Variants in AMOTL1 observed in about 807,000 individuals in gnomAD.
The protein encoded by AMOTL1 is angiomotin like 1, also known as angiomotin-like protein 1.
AMOTL1 carries 45 observed loss-of-function variants against 102.9 expected under a neutral mutation model. That is an observed-to-expected ratio of 0.44 (90% CI 0.34 to 0.56). The LOEUF is 0.56. AMOTL1 is among the 20% of genes least tolerant of loss of function. The probability of loss-of-function intolerance (pLI) is 0.01; values close to 1 mark genes in which losing one functional copy is unlikely to be tolerated. For missense variants in AMOTL1, 1,114 were observed against 1,225.6 expected (o/e 0.91, Z 1.36); for synonymous variants, 481 against 484.7 (o/e 0.99, Z 0.10).
At chr11:94,866,641 G>A (rs1299720894) in intron 11 of AMOTL1, 12 of 177,312 alleles carry the variant, frequency 6.8e-5, no homozygotes, top group Admixed American at 4.9e-4. Context: ...ACCCCATGGG[G>A]CGTGGGAGGG....
intron 1 of AMOTL1, among the ~76,000 whole-genome samples, chr11:94,718,979 T>C (rs1042679863): frequency 6.6e-6 from 1 of 152,008 alleles, no homozygotes; most frequent in African/African-American, 2.4e-5. Context: ...TAAAATTATG[T>C]CCTCTAACAT....
chr11:94,839,175 C>T (rs1181996320), intron 6 of AMOTL1, among the ~76,000 whole-genome samples: 1 of 152,208 alleles, frequency 6.6e-6, no homozygotes, highest in Non-Finnish European at 1.5e-5. Context: ...ACAAGTGTAT[C>T]CTCAGGTGGA....
At chr11:94,754,439 G>A (rs1178725633) in intron 3 of AMOTL1, among the ~76,000 whole-genome samples, 1 of 152,184 alleles carries the variant, frequency 6.6e-6, no homozygotes. Flanking sequence ...ATTTAGCATG[G>A]GAACGCTCCG....
rs1953062176 is a variant in AMOTL1, at chr11:94,874,511, T to G, written c.*3716T>G. 1 of 152,234 alleles carries G rather than the reference T, an allele frequency of 6.6e-6. No individual in the cohort carries two copies. The highest frequency in any genetic ancestry group is 2.1e-4 in the South Asian group (1 of 4,834). 9.4% of individuals were successfully genotyped at this position (152,234 alleles called of 1,614,324 possible). ...GAGTTTGACTCCACAAGGCTTGGCATGGATACCAAAACAGTTGCAACAAAT... is the reference window on the plus strand; with the variant it reads ...GAGTTTGACTCCACAAGGCTTGGCAGGGATACCAAAACAGTTGCAACAAAT... On this transcript the variant is annotated 3_prime_UTR_variant, in exon 13 of 13. Transcript: ENST00000433060.
intron 6 of AMOTL1, among the ~76,000 whole-genome samples, chr11:94,838,615 T>C (rs1952231389): frequency 6.6e-6 from 1 of 152,126 alleles, no homozygotes; most frequent in African/African-American, 2.4e-5. Context: ...AGGAACCTAG[T>C]CATGGAAAAA....
At chr11:94,743,474 G>T (rs1950552624) in intron 3 of AMOTL1, among the ~76,000 whole-genome samples, 1 of 152,010 alleles carries the variant, frequency 6.6e-6, no homozygotes, top group Admixed American at 6.6e-5. Context: ...AGTCATGGTG[G>T]TTTTTTGGTG....
chr11:94,740,784 T>C (rs1330980809), intron 2 of AMOTL1, among the ~76,000 whole-genome samples: 1 of 152,056 alleles, frequency 6.6e-6, no homozygotes. Flanking sequence ...GATCTGGCGG[T>C]CTGAATCCCG....
At chr11:94,756,400 A>G (rs1174800400) in intron 3 of AMOTL1, among the ~76,000 whole-genome samples, 1 of 152,238 alleles carries the variant, frequency 6.6e-6, no homozygotes, top group Non-Finnish European at 1.5e-5. Context: ...ACCCAACATA[A>G]GGATATATTT....
intron 3 of AMOTL1, among the ~76,000 whole-genome samples, chr11:94,758,532 A>G (rs1449570212): frequency 6.6e-6 from 1 of 152,240 alleles, no homozygotes. Flanking sequence ...TGGGATAGTC[A>G]TAGATGGCGT....
chr11:94,828,680 C>T (rs951229487), intron 4 of AMOTL1, among the ~76,000 whole-genome samples: 2 of 152,172 alleles, frequency 1.3e-5, no homozygotes, highest in African/African-American at 4.8e-5. Context: ...AAACACCTGA[C>T]ATGTAAGCAA....
At chr11:94,813,987 A>G (rs560747639) in intron 3 of AMOTL1, among the ~76,000 whole-genome samples, 105 of 152,334 alleles carry the variant, frequency 6.9e-4, no homozygotes, top group African/African-American at 2.5e-3. Context: ...GAGGAAACGC[A>G]GCTGTCTCCT....
chr11:94,868,138 A>T (rs144689214), intron 11 of AMOTL1, among the ~76,000 whole-genome samples: 1 of 152,322 alleles, frequency 6.6e-6, no homozygotes, highest in East Asian at 1.9e-4. Context: ...TTTTAACGGT[A>T]TAGCCAAGTC....
intron 11 of AMOTL1, among the ~76,000 whole-genome samples, chr11:94,868,925 G>C (rs1293241784): frequency 1.4e-5 from 2 of 145,262 alleles, no homozygotes; most frequent in African/African-American, 2.6e-5. Context: ...CAGTTTACTT[G>C]ACAACTACTT....
At chr11:94,731,619 C>A (rs922265917) in intron 2 of AMOTL1, among the ~76,000 whole-genome samples, 2 of 152,166 alleles carry the variant, frequency 1.3e-5, no homozygotes, top group Admixed American at 1.3e-4. Flanking sequence ...CCAGATGTTA[C>A]ACTAAGCCTT....
chr11:94,754,483 A>T (rs780619413), intron 3 of AMOTL1, among the ~76,000 whole-genome samples: 11 of 152,214 alleles, frequency 7.2e-5, no homozygotes, highest in Non-Finnish European at 1.2e-4. Context: ...CTCCTTCCTC[A>T]AATGCTGTCC....
intron 3 of AMOTL1, among the ~76,000 whole-genome samples, chr11:94,802,735 C>G (rs1359658622): frequency 6.6e-6 from 1 of 152,196 alleles, no homozygotes; most frequent in Non-Finnish European, 1.5e-5. Flanking sequence ...CCATGGCTAG[C>G]CAGCATGGCT....
At chr11:94,748,113 T>C (rs1198043484) in intron 3 of AMOTL1, among the ~76,000 whole-genome samples, 1 of 152,208 alleles carries the variant, frequency 6.6e-6, no homozygotes, top group African/African-American at 2.4e-5. Flanking sequence ...CTTGGTATTA[T>C]TTAGGATATA....
chr11:94,869,145 A>T (rs910677557), intron 11 of AMOTL1, 53 bp from the exon 12 acceptor site: 108 of 240,680 alleles, frequency 4.5e-4, no homozygotes, highest in African/African-American at 5.2e-4. Context: ...GACTAGATTT[A>T]AAAAAAAAAA....
intron 1 of AMOTL1, among the ~76,000 whole-genome samples, chr11:94,782,725 C>T (rs987993880): frequency 7.9e-5 from 12 of 152,166 alleles, no homozygotes; most frequent in African/African-American, 2.9e-4. Flanking sequence ...TATTAAAATA[C>T]GCTTTCTTTT....
Sources: allele counts gnomAD v4.1 joint callset (sites outside exome capture counted in the v4.1 genomes callset), GRCh38; gene constraint gnomAD v4.1.1; transcripts MANE v1.5; gene names NCBI Gene and HGNC (gene_info 2026-07-23, HGNC 2026-07-21).